ADCK1: variants seen among roughly 807,000 people sequenced by gnomAD.
The protein encoded by ADCK1 is aarF domain-containing protein kinase 1.
In ADCK1, 41 loss-of-function variants were observed where a neutral mutation model predicts 52.3. That is an observed-to-expected ratio of 0.78 (90% confidence interval 0.61 to 1.02). The LOEUF is 1.02. Among genes scored for constraint, ADCK1 ranks in the 50% least tolerant of loss-of-function variants. The pLI, the probability that ADCK1 is intolerant of heterozygous loss-of-function variation, is 0.00. For synonymous variants in ADCK1, 250 were observed against 274.6 expected (o/e 0.91, Z 0.89); for missense variants, 658 against 679.5 (o/e 0.97, Z 0.35).
chr14:77,816,332 G>A (rs1245139542), intron 1 of ADCK1, among the ~76,000 whole-genome samples: 1 of 152,116 alleles, frequency 6.6e-6, no homozygotes, highest in Non-Finnish European at 1.5e-5. Flanking sequence ...TGTGTGTTAG[G>A]CCTCAGGGCC....
chr14:77,888,418 A>T (rs1476067012), intron 5 of ADCK1, among the ~76,000 whole-genome samples: 1 of 152,094 alleles, frequency 6.6e-6, no homozygotes, highest in Non-Finnish European at 1.5e-5. Context: ...AGCAGATCTG[A>T]TTTTTTTCCT....
chr14:77,875,774 G>A (rs1046641708), intron 4 of ADCK1, among the ~76,000 whole-genome samples: 4 of 152,144 alleles, frequency 2.6e-5, no homozygotes, highest in Admixed American at 6.5e-5. Flanking sequence ...TTTGGCCCTG[G>A]TGCTGGGAAG....
chr14:77,822,332 C>G (rs536314048), intron 2 of ADCK1, 103 bp from the exon 3 acceptor site: 2 of 911,666 alleles, frequency 2.2e-6, no homozygotes, highest in Non-Finnish European at 3.6e-6. Flanking sequence ...GCCACTCCCC[C>G]AGACATAGCA....
chr14:77,860,788 G>A (rs79394174), intron 4 of ADCK1, among the ~76,000 whole-genome samples: 8,326 of 152,242 alleles, frequency 0.055, 254 homozygotes, highest in African/African-American at 0.074. Context: ...CTAACAGCAC[G>A]AGATTCACCC....
At chr14:77,883,328 C>A (rs962200549) in intron 4 of ADCK1, among the ~76,000 whole-genome samples, 1 of 148,308 alleles carries the variant, frequency 6.7e-6, no homozygotes, top group South Asian at 2.1e-4. Flanking sequence ...CAGTTTGTTT[C>A]TGGTAATGGT....
chr14:77,893,554 T>C (rs1335266446), intron 5 of ADCK1, among the ~76,000 whole-genome samples: 1 of 152,000 alleles, frequency 6.6e-6, no homozygotes, highest in Non-Finnish European at 1.5e-5. Flanking sequence ...CCCAAGGTGC[T>C]CGGCTATGTT....
rs143174043 is a variant in ADCK1 at position 77,924,333 on chromosome 14, C to T, written c.859-124C>T. On this transcript the variant is annotated intron_variant, in intron 7 of 10. Coordinates refer to ENST00000238561, the MANE Select transcript of ADCK1 (RefSeq NM_020421.4). The stretch of plus-strand genomic sequence containing the variant: ...TCTCAAACAATCACTCCCACCACAA[C>T]CGCTCCGGCCCACCGATTTTCTCTG... The T allele has an allele frequency of 4.3e-5, 56 of 1,292,998 alleles. No homozygotes were observed. In the African/African-American group the frequency reaches 6.5e-4, roughly 15 times the overall value. The allele number at this position is 1,292,998 out of a possible 1,614,324, so 80.1% of individuals were successfully genotyped here.
intron 3 of ADCK1, among the ~76,000 whole-genome samples, chr14:77,844,060 A>ATTTCTTTT (rs1555350598): frequency 8.6e-5 from 13 of 151,754 alleles, no homozygotes; most frequent in Non-Finnish European, 1.5e-5. Flanking sequence ...ACTGATCATA[A>ATTTCTTTT]TTTCTTTTTT....
rs150947434 is a variant in ADCK1 at position 77,889,040 on chromosome 14, C to T, written c.582+1791C>T. Among the ~76,000 whole-genome samples the T allele has an allele frequency of 2.5e-3, 387 of 152,234 alleles. 3 individuals carry two copies. The highest frequency in any genetic ancestry group is 8.7e-3 in the African/African-American group (363 of 41,536). ...GACAGTGACTAAGTCTCACAAGATC[C>T]GATGGTTTTATAAAAGGGCAGTCCC... On this transcript the variant is annotated intron_variant, in intron 5 of 10. Transcript: ENST00000238561.
At chr14:77,812,543 G>A (rs4903646) in intron 1 of ADCK1, among the ~76,000 whole-genome samples, 81,248 of 151,742 alleles carry the variant, frequency 0.54, 23,275 homozygotes, top group Middle Eastern at 0.66. Context: ...ATCCATTTGT[G>A]GATGGACACT....
Position 77,861,733 on chromosome 14 carries a change from A to G in ADCK1, c.423+2454A>G, listed in dbSNP as rs1286487988. 3.9e-5 allele frequency among the ~76,000 whole-genome samples: 6 copies of G among 152,270 alleles called. No homozygotes were observed. The East Asian group carries it at 1.2e-3, about 29-fold the overall frequency. ...GTGGTGTGGTGAGGGAGGTGCTTGG[A>G]TGGTCAACAGCAGTGTTAGAGGTCA... is the stretch of plus-strand genomic sequence containing the variant. On this transcript the variant is annotated intron_variant, in intron 4 of 10. Coordinates refer to ENST00000238561, the MANE Select transcript of ADCK1 (RefSeq NM_020421.4).
At position 77,933,527 on chromosome 14, in the gene ADCK1, C is replaced by G; in HGVS notation, c.*136C>G. On this transcript the variant is annotated 3_prime_UTR_variant, in exon 11 of 11. Transcript: ENST00000238561. ...TCACTGTCCATGTCACCATCCTTCT[C>G]CTCCTTTGGAATCCTCTCCGCACAC... 1 of 1,055,866 alleles carries G rather than the reference C, an allele frequency of 9.5e-7. No individual in the cohort carries two copies. Among genetic ancestry groups the G allele is most frequent in the Non-Finnish European group, 1.4e-6 (1 of 710,732 alleles). The allele number at this position is 1,055,866 out of a possible 1,614,324, so 65.4% of individuals were successfully genotyped here. A position where few individuals can be genotyped will look rare whatever the true frequency, so the allele number is the denominator to read the frequency against.
At chr14:77,807,279 G>A (rs576074469) in intron 1 of ADCK1, among the ~76,000 whole-genome samples, 49 of 148,698 alleles carry the variant, frequency 3.3e-4, no homozygotes, top group Non-Finnish European at 6.0e-4. Context: ...CATGTTAGCC[G>A]GGATGGTCTC....
chr14:77,863,118 TG>T (rs1207083559), intron 4 of ADCK1, among the ~76,000 whole-genome samples: 5 of 152,114 alleles, frequency 3.3e-5, no homozygotes, highest in South Asian at 2.1e-4. Context: ...GTTGTAGGAT[TG>T]GGGCTGAGGT....
intron 3 of ADCK1, among the ~76,000 whole-genome samples, chr14:77,850,696 G>A (rs2082266374): frequency 7.0e-6 from 1 of 143,760 alleles, no homozygotes; most frequent in Non-Finnish European, 1.5e-5. Flanking sequence ...TGTTACCCAG[G>A]CTGGAGTGCA....
intron 5 of ADCK1, among the ~76,000 whole-genome samples, chr14:77,898,899 A>G (rs1566715243): frequency 6.6e-6 from 1 of 152,214 alleles, no homozygotes; most frequent in Admixed American, 6.5e-5. Context: ...CTGTTGGGCT[A>G]TCATCATCTT....
At chr14:77,842,508 C>CTTCCTTCT in intron 3 of ADCK1, among the ~76,000 whole-genome samples, 2 of 137,422 alleles carry the variant, frequency 1.5e-5, no homozygotes, top group South Asian at 2.3e-4. Flanking sequence ...TCCTTCCTTC[C>CTTCCTTCT]TTCCTTCATT....
At chr14:77,930,698 G>T (rs1322089994) in intron 9 of ADCK1, among the ~76,000 whole-genome samples, 2 of 152,198 alleles carry the variant, frequency 1.3e-5, no homozygotes, top group Non-Finnish European at 2.9e-5. Flanking sequence ...CGATAGGGTT[G>T]TTGTGAGGAT....
rs1447857099 is a variant in ADCK1 at position 77,933,284 on chromosome 14, A to C, written c.1465A>C (p.Asn489His). 6.2e-7 allele frequency: 1 copy of C among 1,614,166 alleles called. No homozygotes were observed. Among genetic ancestry groups the C allele is most frequent in the East Asian group, 2.2e-5 (1 of 44,872 alleles). ...RTQISFSEAFNLWQINLHELI... is the reference protein window; with the variant it reads ...RTQISFSEAFHLWQINLHELI... Reference sequence around the variant, plus strand: ...CCAGATCTCTTTCAGCGAGGCCTTCAACTTATGGCAGATCAACCTCCATGA... The same window carrying C: ...CCAGATCTCTTTCAGCGAGGCCTTCCACTTATGGCAGATCAACCTCCATGA... Residue 489 changes from asparagine (N) to histidine (H), a missense_variant, in exon 11 of 11, where the codon AAC (asparagine) becomes CAC (histidine). Coordinates refer to ENST00000238561, the MANE Select transcript of ADCK1 (RefSeq NM_020421.4).
Sources: allele counts gnomAD v4.1 joint callset (sites outside exome capture counted in the v4.1 genomes callset), GRCh38; gene constraint gnomAD v4.1.1; transcripts MANE v1.5; gene names NCBI Gene and HGNC (gene_info 2026-07-23, HGNC 2026-07-21).